Variants in BHMT2 observed in about 807,000 individuals in gnomAD.
BHMT2 encodes the protein betaine--homocysteine S-methyltransferase 2, also known as S-methylmethionine--homocysteine S-methyltransferase BHMT2.
In BHMT2, 28 loss-of-function variants were observed where a neutral mutation model predicts 39.0. The observed-to-expected ratio is 0.72, with a 90% CI of 0.53 to 0.98. The LOEUF (loss-of-function observed/expected upper bound fraction) is 0.98, where lower values mean the gene tolerates loss of function less well. Among genes scored for constraint, BHMT2 ranks in the 50% least tolerant of loss-of-function variants. The pLI, the probability that BHMT2 is intolerant of heterozygous loss-of-function variation, is 0.00. For synonymous variants in BHMT2, 145 were observed against 160.6 expected (o/e 0.90, Z 0.74); for missense variants, 410 against 455.6 (o/e 0.90, Z 0.91).
rs114562589 is a variant in BHMT2, at chr5:79,072,866, C to A, written c.33+3051C>A. ...GAAATGTGTAATACACTTGGCATAA[C>A]CCTGTGATAGGTTGGATGTGGGAGG... On this transcript the variant is annotated intron_variant, in intron 1 of 7. Transcript: ENST00000255192. Among the ~76,000 whole-genome samples the A allele has an allele frequency of 5.6e-3, 854 of 152,198 alleles. 10 individuals carry two copies. The highest frequency in any genetic ancestry group is 0.019 in the African/African-American group (797 of 41,528).
intron 3 of BHMT2, 98 bp from the exon 4 acceptor site, chr5:79,080,589 A>G: frequency 9.1e-7 from 1 of 1,099,282 alleles, no homozygotes. Flanking sequence ...AGAGTGGCTT[A>G]TACTCATCTT....
chr5:79,072,771 C>G (rs1755604646), intron 1 of BHMT2, among the ~76,000 whole-genome samples: 1 of 152,140 alleles, frequency 6.6e-6, no homozygotes, highest in Non-Finnish European at 1.5e-5. Flanking sequence ...GAAGACAGTT[C>G]AGAGTAGGGC....
chr5:79,086,794 A>G (rs1018149956), intron 7 of BHMT2, among the ~76,000 whole-genome samples: 1 of 152,020 alleles, frequency 6.6e-6, no homozygotes, highest in Non-Finnish European at 1.5e-5. Context: ...TTGTTGAAAG[A>G]AAAATAACAG....
At chr5:79,083,133 A>G in intron 5 of BHMT2, 59 bp from the exon 6 acceptor site, 1 of 1,584,860 alleles carries the variant, frequency 6.3e-7, no homozygotes. Context: ...CCTTCCAACT[A>G]TTAAAAAAAA....
Position 79,083,393 on chromosome 5 carries a change from T to C in BHMT2, c.781+19T>C. 1 of 1,560,832 alleles carries C rather than the reference T, an allele frequency of 6.4e-7. No individual in the cohort carries two copies. Among genetic ancestry groups the C allele is most frequent in the South Asian group, 1.2e-5 (1 of 83,042 alleles). On this transcript the variant is annotated intron_variant, in intron 6 of 7. Coordinates refer to ENST00000255192, the MANE Select transcript of BHMT2 (RefSeq NM_017614.5). ...CCCTTTGGTAAGCTCAGGTGCATAG[T>C]AGAGGTCCTTGTATTTCTCGTGACA...
chr5:79,075,551 G>A (rs1418450479), intron 1 of BHMT2, among the ~76,000 whole-genome samples: 1 of 152,150 alleles, frequency 6.6e-6, no homozygotes, highest in African/African-American at 2.4e-5. Context: ...CCAGCTATGG[G>A]CAGGCCTGAA....
At chr5:79,086,157 T>G (rs1755889421) in intron 7 of BHMT2, among the ~76,000 whole-genome samples, 1 of 152,096 alleles carries the variant, frequency 6.6e-6, no homozygotes, top group Non-Finnish European at 1.5e-5. Context: ...GATTTGGGGG[T>G]CCTGTTGTCC....
At chr5:79,077,823 A>C in intron 2 of BHMT2, 1 of 432,764 alleles carries the variant, frequency 2.3e-6, no homozygotes, top group Non-Finnish European at 4.1e-6. Flanking sequence ...CCCACATCAC[A>C]CACCCACCCA....
At chr5:79,083,593 C>G in intron 6 of BHMT2, 35 bp from the exon 7 acceptor site, 1 of 1,606,576 alleles carries the variant, frequency 6.2e-7, no homozygotes, top group South Asian at 1.1e-5. Flanking sequence ...AAAATGAGAA[C>G]AGTAACAGAA....
chr5:79,083,874 A>G lies in BHMT2; in HGVS notation c.1010+18A>G. On this transcript the variant is annotated intron_variant, in intron 7 of 7. Transcript: ENST00000255192. ...AGAGCAAGGTAAGCATTTTTAAATT[A>G]ACATTCTTATTATTTTCCTTTAATC... 6.3e-7 allele frequency: 1 copy of G among 1,594,574 alleles called. No individual in the cohort carries two copies. Among genetic ancestry groups the G allele is most frequent in the South Asian group, 1.1e-5 (1 of 88,092 alleles).
intron 7 of BHMT2, 102 bp downstream of exon 7, chr5:79,083,958 A>T (rs1374633861): frequency 6.9e-7 from 1 of 1,444,718 alleles, no homozygotes; most frequent in African/African-American, 1.4e-5. Context: ...ATAGAAATGT[A>T]TAAAGTGAAA....
chr5:79,083,929 C>T, intron 7 of BHMT2, 73 bp downstream of exon 7: 2 of 1,498,804 alleles, frequency 1.3e-6, no homozygotes, highest in South Asian at 2.6e-5. Context: ...AAATGTCATG[C>T]ATGCACATGA....
rs201715283 is a variant in BHMT2 at position 79,083,377 on chromosome 5, A to G, written c.781+3A>G. ...GGATCTCCCAGAATATCCCTTTGGT[A>G]AGCTCAGGTGCATAGTAGAGGTCCT... On this transcript the variant is annotated splice_donor_region_variant and intron_variant, in intron 6 of 7. Coordinates refer to ENST00000255192, the MANE Select transcript of BHMT2 (RefSeq NM_017614.5). 52 of 1,592,954 alleles carry G rather than the reference A, an allele frequency of 3.3e-5. No individual in the cohort carries two copies. The highest frequency in any genetic ancestry group is 4.0e-5 in the Non-Finnish European group (47 of 1,169,266).
chr5:79,088,397 TGG>T, intron 7 of BHMT2, 94 bp from the exon 8 acceptor site: 281 of 701,860 alleles, frequency 4.0e-4, no homozygotes, highest in Middle Eastern at 1.8e-3. Flanking sequence ...TGTGTGTGTG[TGG>T]TTATATACAT....
At position 79,080,685 on chromosome 5, in the gene BHMT2, A is replaced by G; in HGVS notation, c.259-2A>G. The G allele has an allele frequency of 6.3e-7, 1 of 1,581,126 alleles. No individual in the cohort carries two copies. Among genetic ancestry groups the G allele is most frequent in the Non-Finnish European group, 8.5e-7 (1 of 1,170,552 alleles). ...ATCTGAACTCTTGCTCTCTAACCTCAGTGGGAAGATGTAAATGCTGCTGCC... is the reference window on the plus strand; with the variant it reads ...ATCTGAACTCTTGCTCTCTAACCTCGGTGGGAAGATGTAAATGCTGCTGCC... On this transcript the variant is annotated splice_acceptor_variant, in intron 3 of 7. Transcript: ENST00000255192. LOFTEE classifies it high-confidence loss of function.
chr5:79,077,493 G>C lies in BHMT2; in HGVS notation c.47G>C (p.Arg16Pro). Residue 16 changes from arginine to proline, a missense_variant, in exon 2 of 8, where the codon CGC becomes CCC. Arg to Pro is a moderately radical substitution (Grantham distance 103, BLOSUM62 -2). Transcript: ENST00000255192. ...RPGAKKGILE[R>P]LESGEVVIGD... ...TCTCTTCTTCAGGGGATTTTGGAGC[G>C]CCTGGAGAGTGGGGAGGTTGTGATT... 6.2e-7 allele frequency: 1 copy of C among 1,613,482 alleles called. No homozygotes were observed.
intron 1 of BHMT2, among the ~76,000 whole-genome samples, chr5:79,070,033 T>C (rs1755525093): frequency 6.6e-6 from 1 of 152,170 alleles, no homozygotes; most frequent in Non-Finnish European, 1.5e-5. Context: ...GTGCTCAAGT[T>C]ATCTCCTCAT....
rs769918127 is a variant in BHMT2, at chr5:79,079,496, A to G, written c.258+36A>G. On this transcript the variant is annotated intron_variant, in intron 3 of 7. Transcript: ENST00000255192. Reference sequence around the variant, plus strand: ...ATGGCTGGGTGTGGGGGAGGGAGTCATCTATTAAAAAATAACCTCTTCATG... The same window carrying G: ...ATGGCTGGGTGTGGGGGAGGGAGTCGTCTATTAAAAAATAACCTCTTCATG... 7 of 1,469,470 alleles carry G rather than the reference A, an allele frequency of 4.8e-6. No individual in the cohort carries two copies. The East Asian group carries it at 1.1e-4, about 24-fold the overall frequency. The allele number at this position is 1,469,470 out of a possible 1,614,324, so 91.0% of individuals were successfully genotyped here.
chr5:79,077,786 CCTCT>C (rs908156699), intron 2 of BHMT2, 174 bp downstream of exon 2: 30 of 680,612 alleles, frequency 4.4e-5, no homozygotes, highest in Non-Finnish European at 6.7e-5. Flanking sequence ...AAGAAAATGA[CCTCT>C]CTCTCTCTCA....
Sources: gnomAD v4.1 joint callset for allele counts (sites outside exome capture counted in the v4.1 genomes callset) on GRCh38, gnomAD v4.1.1 for gene constraint, MANE v1.5 for transcripts, NCBI Gene and HGNC (gene_info 2026-07-23, HGNC 2026-07-21) for gene names.